The following KCNN3 variants were observed in gnomAD, a reference collection of about 807,000 sequenced individuals.
KCNN3 encodes small conductance calcium-activated potassium channel protein 3.
Under a neutral mutation model 62.9 loss-of-function variants are expected in KCNN3, and 16 were observed. The observed-to-expected ratio is 0.25, with a 90% CI of 0.17 to 0.39. The LOEUF (loss-of-function observed/expected upper bound fraction) is 0.39. KCNN3 is among the 10% of genes least tolerant of loss of function. The pLI, the probability that KCNN3 is intolerant of heterozygous loss-of-function variation, is 1.00. For synonymous variants in KCNN3, 370 were observed against 389.2 expected, an observed-to-expected ratio of 0.95 and a Z score of 0.58; for missense variants, 599 against 949.4, an observed-to-expected ratio of 0.63 and a Z score of 4.85.
chr1:154,780,477 G>A (rs949569675), intron 2 of KCNN3, among the ~76,000 whole-genome samples: 4 of 150,114 alleles, frequency 2.7e-5, no homozygotes, highest in African/African-American at 9.7e-5. Context: ...TTCTCTCTCT[G>A]TGGGGAGAAG....
chr1:154,699,750 GTTCC>G lies in KCNN3; in HGVS notation c.*8222_*8225del, dbSNP rs1438840404. ...GGAGTTCTTACTGGTGAGATGCTGAGTTCCTCAAGGGAAGAACACAAGGATCGAG... is the reference window on the plus strand; with the variant it reads ...GGAGTTCTTACTGGTGAGATGCTGAGTCAAGGGAAGAACACAAGGATCGAG... On this transcript the variant is annotated 3_prime_UTR_variant, in exon 8 of 8. Transcript: ENST00000271915. 1 of 152,154 alleles carries G rather than the reference GTTCC, an allele frequency of 6.6e-6. No individual in the cohort carries two copies. Among genetic ancestry groups the G allele is most frequent in the Non-Finnish European group, 1.5e-5 (1 of 68,046 alleles). The allele number at this position is 152,154 out of a possible 1,614,324, so 9.4% of individuals were successfully genotyped here. A position where few individuals can be genotyped will look rare whatever the true frequency, so the allele number is the denominator to read the frequency against.
At chr1:154,725,570 A>C (rs1700445722) in intron 5 of KCNN3, among the ~76,000 whole-genome samples, 1 of 147,418 alleles carries the variant, frequency 6.8e-6, no homozygotes, top group South Asian at 2.2e-4. Context: ...TTGAGATGGA[A>C]TCTCTCTCTG....
intron 2 of KCNN3, among the ~76,000 whole-genome samples, chr1:154,815,821 C>A (rs1045748437): frequency 2.6e-5 from 4 of 152,166 alleles, no homozygotes; most frequent in African/African-American, 9.7e-5. Context: ...GGTGAGGGCA[C>A]AGAGCAAGAC....
At position 154,822,080 on chromosome 1, in the gene KCNN3, G is replaced by A. The variant is rs1650922458; in HGVS notation, c.1029+9C>T. 7 of 1,603,980 alleles carry A rather than the reference G, an allele frequency of 4.4e-6. No homozygotes were observed. The South Asian group carries it at 5.5e-5, about 13-fold the overall frequency. On this transcript the variant is annotated intron_variant, in intron 2 of 7. Coordinates refer to ENST00000271915, the MANE Select transcript of KCNN3 (RefSeq NM_002249.6). The stretch of plus-strand genomic sequence containing the variant: ...CCGCTGCATGAAGGGGTGAGGTGGG[G>A]GCACCTACCTGGACTTCACGTGTGT...
chr1:154,778,695 G>A (rs959032535), intron 2 of KCNN3, among the ~76,000 whole-genome samples: 4 of 131,118 alleles, frequency 3.1e-5, no homozygotes, highest in African/African-American at 8.3e-5. Context: ...TCTGCCTCCC[G>A]GGTTCAAGCG....
intron 2 of KCNN3, among the ~76,000 whole-genome samples, chr1:154,787,486 T>G (rs1194574929): frequency 2.0e-5 from 3 of 152,190 alleles, no homozygotes; most frequent in African/African-American, 7.2e-5. Context: ...AAGTTCCTGA[T>G]GAACCAGGAG....
rs144889682 is a variant in KCNN3, at chr1:154,799,398, T to C, written c.1029+22691A>G. 2.0e-4 allele frequency among the ~76,000 whole-genome samples: 31 copies of C among 152,332 alleles called. 1 individual carries two copies. The highest frequency in any genetic ancestry group is 1.6e-3 in the Admixed American group (24 of 15,298). ...AAGGGCTCAAGATCACTGTCACTCATTGGATGAATGCACAGCAGTGCCAGG... is the reference window on the plus strand; with the variant it reads ...AAGGGCTCAAGATCACTGTCACTCACTGGATGAATGCACAGCAGTGCCAGG... On this transcript the variant is annotated intron_variant, in intron 2 of 7. Transcript: ENST00000271915.
chr1:154,700,189 A>G lies in KCNN3; in HGVS notation c.*7787T>C, dbSNP rs1308443471. ...GGTGAGGTGAGGCCAGTGCTTATCA[A>G]TATTTCTGGTGCATACAGGTCACCT... On this transcript the variant is annotated 3_prime_UTR_variant, in exon 8 of 8. Transcript: ENST00000271915. 1 of 152,212 alleles carries G rather than the reference A, an allele frequency of 6.6e-6. No individual in the cohort carries two copies. Among genetic ancestry groups the G allele is most frequent in the Non-Finnish European group, 1.5e-5 (1 of 68,038 alleles). 9.4% of individuals were successfully genotyped at this position (152,212 alleles called of 1,614,324 possible). A position where few individuals can be genotyped will look rare whatever the true frequency, so the allele number is the denominator to read the frequency against.
chr1:154,816,502 G>GACGGC (rs1279623432), intron 2 of KCNN3, among the ~76,000 whole-genome samples: 7 of 152,212 alleles, frequency 4.6e-5, no homozygotes, highest in Non-Finnish European at 1.0e-4. Flanking sequence ...TGGATGTAGG[G>GACGGC]ACGGCACCTC....
chr1:154,755,655 G>T (rs941394377), intron 3 of KCNN3, among the ~76,000 whole-genome samples: 1 of 67,308 alleles, frequency 1.5e-5, no homozygotes, highest in Non-Finnish European at 4.1e-5. Context: ...AAAGAAGAAA[G>T]GAAGGAAGGA....
chr1:154,755,801 GA>G (rs1647647049), intron 3 of KCNN3, among the ~76,000 whole-genome samples: 1 of 147,052 alleles, frequency 6.8e-6, no homozygotes, highest in Non-Finnish European at 1.5e-5. Context: ...GGAGGAGGAG[GA>G]AGAAGAAGAA....
rs944791859 is a variant in KCNN3, at chr1:154,775,565, G to GC, written c.1030-3173dup. ...GTGTTGATGGCCCTCTGAGCAGCCAGCCCCCCACCCACCCACCCATGAGGA... is the reference window on the plus strand; with the variant it reads ...GTGTTGATGGCCCTCTGAGCAGCCAGCCCCCCCACCCACCCACCCATGAGGA... On this transcript the variant is annotated intron_variant, in intron 2 of 7. Coordinates refer to ENST00000271915, the MANE Select transcript of KCNN3 (RefSeq NM_002249.6). Among the ~76,000 whole-genome samples, 848 of 136,604 alleles carry GC rather than the reference G, an allele frequency of 6.2e-3. 12 individuals are homozygous for GC. The highest frequency in any genetic ancestry group is 0.018 in the African/African-American group (654 of 35,434). The allele number at this position is 136,604 out of a possible 152,430, so 89.6% of individuals were successfully genotyped here.
At chr1:154,829,376 C>T (rs547038853) in intron 1 of KCNN3, among the ~76,000 whole-genome samples, 9 of 152,336 alleles carry the variant, frequency 5.9e-5, no homozygotes, top group African/African-American at 2.2e-4. Context: ...ACCTTTCCTG[C>T]CTGCCTGAGC....
intron 1 of KCNN3, among the ~76,000 whole-genome samples, chr1:154,847,580 A>G (rs1161778866): frequency 2.0e-5 from 3 of 152,206 alleles, no homozygotes; most frequent in African/African-American, 7.2e-5. Context: ...TGTGAACCAC[A>G]TGATTAGAAG....
At chr1:154,714,121 TGTGG>T (rs1176282306) in intron 6 of KCNN3, among the ~76,000 whole-genome samples, 12 of 133,100 alleles carry the variant, frequency 9.0e-5, no homozygotes, top group African/African-American at 3.5e-4. Flanking sequence ...ATGTGGTGTG[TGTGG>T]GTTGTGTGTG....
rs180770080 is a variant in KCNN3 at position 154,784,286 on chromosome 1, C to T, written c.1030-11893G>A. ...GTCACCTCCCCTTCTAGAACCTTTC[C>T]GTGGCAACCCAGAGTGTCCACCCTC... On this transcript the variant is annotated intron_variant, in intron 2 of 7. Transcript: ENST00000271915. Among the ~76,000 whole-genome samples, 359 of 152,274 alleles carry T rather than the reference C, an allele frequency of 2.4e-3. 1 individual carries two copies. The highest frequency in any genetic ancestry group is 8.3e-3 in the African/African-American group (346 of 41,552).
chr1:154,834,204 G>A (rs1651488043), intron 1 of KCNN3, among the ~76,000 whole-genome samples: 2 of 152,154 alleles, frequency 1.3e-5, no homozygotes, highest in South Asian at 2.1e-4. Context: ...TTACTTTGAG[G>A]TGCCATGAAT....
chr1:154,801,152 A>T (rs1649936393), intron 2 of KCNN3, among the ~76,000 whole-genome samples: 1 of 151,660 alleles, frequency 6.6e-6, no homozygotes, highest in African/African-American at 2.4e-5. Context: ...GGAGAGCCTC[A>T]CCCCCAACAC....
intron 3 of KCNN3, among the ~76,000 whole-genome samples, chr1:154,741,136 G>A (rs1444650232): frequency 6.6e-6 from 1 of 152,172 alleles, no homozygotes; most frequent in African/African-American, 2.4e-5. Context: ...CATATGGTGT[G>A]AGGCAGGGAT....
Sources: gnomAD v4.1 joint callset for allele counts (sites outside exome capture counted in the v4.1 genomes callset) on GRCh38, gnomAD v4.1.1 for gene constraint, MANE v1.5 for transcripts, NCBI Gene and HGNC (gene_info 2026-07-23, HGNC 2026-07-21) for gene names.